The following DTHD1 variants were observed in gnomAD, a reference collection of about 807,000 sequenced individuals.
DTHD1 encodes the protein death domain containing 1.
DTHD1 carries 59 observed loss-of-function variants against 74.8 expected under a neutral mutation model. The observed-to-expected ratio is 0.79, with a 90% CI of 0.64 to 0.98. The LOEUF (loss-of-function observed/expected upper bound fraction) is 0.98, where lower values mean the gene tolerates loss of function less well. DTHD1 is among the 50% of genes least tolerant of loss of function. The pLI, the probability that DTHD1 is intolerant of heterozygous loss-of-function variation, is 0.00. For synonymous variants in DTHD1, 365 were observed against 371.1 expected, an observed-to-expected ratio of 0.98 and a Z score of 0.19; for missense variants, 1,051 against 1,065.4, an observed-to-expected ratio of 0.99 and a Z score of 0.19.
Position 36,345,194 on chromosome 4 carries a change from C to G in DTHD1, c.*1370C>G, listed in dbSNP as rs1050121718. On this transcript the variant is annotated 3_prime_UTR_variant, in exon 10 of 10. Transcript: ENST00000639862. ...CTAGATATACATCATTAAAAATAAACAAAACATCTGTAAATAGAACATTAA... is the reference window on the plus strand; with the variant it reads ...CTAGATATACATCATTAAAAATAAAGAAAACATCTGTAAATAGAACATTAA... 2.6e-5 allele frequency: 4 copies of G among 152,036 alleles called. No individual in the cohort carries two copies. The highest frequency in any genetic ancestry group is 5.9e-5 in the Non-Finnish European group (4 of 67,976). 9.4% of individuals were successfully genotyped at this position (152,036 alleles called of 1,614,324 possible).
At position 36,345,570 on chromosome 4, in the gene DTHD1, G is replaced by T. The variant is rs894776976; in HGVS notation, c.*1746G>T. The T allele has an allele frequency of 1.3e-5, 2 of 152,026 alleles. No homozygotes were observed. The highest frequency in any genetic ancestry group is 4.8e-5 in the African/African-American group (2 of 41,378). 9.4% of individuals were successfully genotyped at this position (152,026 alleles called of 1,614,324 possible). On this transcript the variant is annotated 3_prime_UTR_variant, in exon 10 of 10. Transcript: ENST00000639862. ...TCTATTCAGGTATATATCAAAAAAG[G>T]CGATTCCCATTTTCAAACATAGTCC...
At chr4:36,313,258 T>G (rs1466342482) in intron 7 of DTHD1, among the ~76,000 whole-genome samples, 1 of 152,170 alleles carries the variant, frequency 6.6e-6, no homozygotes, top group African/African-American at 2.4e-5. Context: ...ATTTACTAAA[T>G]AGCTACTATC....
intron 3 of DTHD1, among the ~76,000 whole-genome samples, chr4:36,291,162 AG>A (rs1175342133): frequency 6.6e-6 from 1 of 152,214 alleles, no homozygotes; most frequent in African/African-American, 2.4e-5. Flanking sequence ...ATTGTTAGTA[AG>A]TCTAGAAATG....
At chr4:36,317,468 T>C (rs1026258337) in intron 8 of DTHD1, among the ~76,000 whole-genome samples, 1 of 152,196 alleles carries the variant, frequency 6.6e-6, no homozygotes, top group Non-Finnish European at 1.5e-5. Context: ...ACAAATAATA[T>C]ATAAACTATC....
chr4:36,314,083 T>TC (rs1560804348), intron 7 of DTHD1, among the ~76,000 whole-genome samples: 5 of 147,890 alleles, frequency 3.4e-5, no homozygotes, highest in African/African-American at 1.3e-4. Flanking sequence ...TTTTTTTTTT[T>TC]CTTTTTTTCC....
rs1269510622 is a variant in DTHD1 at position 36,284,092 on chromosome 4, T to G, written c.388T>G (p.Cys130Gly). The change falls in exon 2 of 10, where the codon TGT becomes GGT. Residue 130 changes from cysteine (C) to glycine (G), a missense_variant. Transcript: ENST00000639862. ...TAATTTATGCGGCATGCATGATGAATGTACTCCACAGCAGACAATGTCCTC... is the reference window on the plus strand; with the variant it reads ...TAATTTATGCGGCATGCATGATGAAGGTACTCCACAGCAGACAATGTCCTC... ...ICNLCGMHDE[C>G]TPQQTMSSIQ... The G allele has an allele frequency of 1.3e-6, 2 of 1,537,098 alleles. No individual in the cohort carries two copies. Among genetic ancestry groups the G allele is most frequent in the African/African-American group, 2.7e-5 (2 of 73,042 alleles).
At chr4:36,317,005 T>C (rs1214388015) in intron 8 of DTHD1, among the ~76,000 whole-genome samples, 1 of 152,238 alleles carries the variant, frequency 6.6e-6, no homozygotes, top group Non-Finnish European at 1.5e-5. Context: ...ATTTTATTGC[T>C]GTATATTACA....
At chr4:36,342,567 C>T (rs1158860784) in intron 9 of DTHD1, among the ~76,000 whole-genome samples, 3 of 151,982 alleles carry the variant, frequency 2.0e-5, no homozygotes, top group African/African-American at 7.3e-5. Flanking sequence ...CAGGAGTCAA[C>T]AGAGGACGGC....
chr4:36,331,492 C>A (rs1384227712), intron 8 of DTHD1, among the ~76,000 whole-genome samples: 4 of 152,152 alleles, frequency 2.6e-5, no homozygotes, highest in Non-Finnish European at 2.9e-5. Context: ...CAGAAAAATA[C>A]TAATTATATA....
Position 36,281,876 on chromosome 4 carries a change from G to C in DTHD1, c.118G>C (p.Gly40Arg), listed in dbSNP as rs1755417121. The change falls in exon 1 of 10, where the codon GGG becomes CGG. Residue 40 changes from glycine (G) to arginine (R), a missense_variant. By Grantham distance (125) the Gly-to-Arg change is moderately radical. Transcript: ENST00000639862. ...TGATGACCTTTGTGAGGGGGCTGGTGGGGCCACTTGGATGGCCACTGTGGT... is the reference window on the plus strand; with the variant it reads ...TGATGACCTTTGTGAGGGGGCTGGTCGGGCCACTTGGATGGCCACTGTGGT... ...LGDDLCEGAG[G>R]ATWMATVVFL... 2 of 1,274,704 alleles carry C rather than the reference G, an allele frequency of 1.6e-6. No individual in the cohort carries two copies. Among genetic ancestry groups the C allele is most frequent in the Admixed American group, 3.7e-5 (1 of 27,092 alleles). 79.0% of individuals were successfully genotyped at this position (1,274,704 alleles called of 1,614,324 possible).
intron 5 of DTHD1, among the ~76,000 whole-genome samples, chr4:36,298,583 CA>C (rs1046258712): frequency 8.6e-5 from 13 of 151,940 alleles, no homozygotes; most frequent in African/African-American, 3.1e-4. Context: ...AACAGAAACA[CA>C]AAAAGCAATC....
intron 8 of DTHD1, among the ~76,000 whole-genome samples, chr4:36,330,977 G>A (rs1018668708): frequency 1.3e-5 from 2 of 151,824 alleles, no homozygotes; most frequent in African/African-American, 4.8e-5. Flanking sequence ...CAATAAATGA[G>A]CTCACATTAA....
At chr4:36,300,109 A>G (rs151292386) in intron 5 of DTHD1, among the ~76,000 whole-genome samples, 82 of 152,296 alleles carry the variant, frequency 5.4e-4, no homozygotes, top group Non-Finnish European at 9.4e-4. Context: ...GCTAAGTCTA[A>G]CATCTGAAGT....
At chr4:36,336,937 C>A (rs79611814) in intron 8 of DTHD1, among the ~76,000 whole-genome samples, 44 of 152,208 alleles carry the variant, frequency 2.9e-4, no homozygotes, top group African/African-American at 1.0e-3. Context: ...TTGAAAGCAT[C>A]TTTTGATTGC....
chr4:36,313,930 G>C (rs1238369149), intron 7 of DTHD1, among the ~76,000 whole-genome samples: 1 of 151,974 alleles, frequency 6.6e-6, no homozygotes. Context: ...ACTCCAGTGA[G>C]CTGGAAACCC....
intron 7 of DTHD1, among the ~76,000 whole-genome samples, chr4:36,311,020 TG>T (rs565497077): frequency 6.6e-6 from 1 of 152,296 alleles, no homozygotes; most frequent in Admixed American, 6.5e-5. Context: ...ATGATTTTCC[TG>T]TAATACTGTG....
chr4:36,290,368 T>C lies in DTHD1; in HGVS notation c.888-5T>C. 6.5e-7 allele frequency: 1 copy of C among 1,539,808 alleles called. No individual in the cohort carries two copies. The highest frequency in any genetic ancestry group is 1.7e-4 in the Middle Eastern group (1 of 5,912). On this transcript the variant is annotated splice_polypyrimidine_tract_variant and splice_region_variant and intron_variant, in intron 2 of 9. Transcript: ENST00000639862. ...GGAAAAATGACATTCTTTTTCCCCCTCCAGGTATCTTGATGTGCTGAGTGA... is the reference window on the plus strand; with the variant it reads ...GGAAAAATGACATTCTTTTTCCCCCCCCAGGTATCTTGATGTGCTGAGTGA...
chr4:36,316,258 T>C lies in DTHD1; in HGVS notation c.2112T>C (p.Tyr704=), dbSNP rs1280419632. The change falls in exon 8 of 10, where the codon TAT becomes TAC. Residue 704 remains tyrosine (Y), a synonymous_variant. Coordinates refer to ENST00000639862, the MANE Select transcript of DTHD1 (RefSeq NM_001170700.3). ...NIFASSNGKD[Y]GKDYTLIFHL... is the part of the protein sequence containing the mutation. ...TCTATTTAGGCAACGGGAAGGATTA[T>C]GGAAAAGACTACACACTTATTTTTC... The C allele has an allele frequency of 6.4e-7, 1 of 1,550,842 alleles. No individual in the cohort carries two copies. The highest frequency in any genetic ancestry group is 1.4e-5 in the African/African-American group (1 of 73,010).
At chr4:36,298,910 T>C (rs1480916093) in intron 5 of DTHD1, among the ~76,000 whole-genome samples, 1 of 152,186 alleles carries the variant, frequency 6.6e-6, no homozygotes, top group African/African-American at 2.4e-5. Context: ...TGTTCAAATG[T>C]AATATGTGAT....
Sources: allele counts gnomAD v4.1 joint callset (sites outside exome capture counted in the v4.1 genomes callset), GRCh38; gene constraint gnomAD v4.1.1; transcripts MANE v1.5; gene names NCBI Gene and HGNC (gene_info 2026-07-23, HGNC 2026-07-21).